Variants in CIT observed in about 807,000 individuals in gnomAD.
CIT encodes the protein citron rho-interacting serine/threonine kinase.
Under a neutral mutation model 272.7 loss-of-function variants are expected in CIT, and 79 were observed. The observed-to-expected ratio is 0.29, with a 90% CI of 0.24 to 0.35. The LOEUF (loss-of-function observed/expected upper bound fraction) is 0.35. Ranked by LOEUF, CIT falls within the 10% of genes least tolerant of loss-of-function variation. CIT has a pLI of 1.00. For missense variants in CIT, 1,909 were observed against 2,618.3 expected, an observed-to-expected ratio of 0.73 and a Z score of 5.91; for synonymous variants, 948 against 995.6, an observed-to-expected ratio of 0.95 and a Z score of 0.90.
At chr12:119,800,276 C>T (rs1249395729) in intron 10 of CIT, among the ~76,000 whole-genome samples, 1 of 152,054 alleles carries the variant, frequency 6.6e-6, no homozygotes, top group South Asian at 2.1e-4. Context: ...TCACCATAAC[C>T]CCACCCCAAA....
Position 119,690,374 on chromosome 12 carries a change from C to T in CIT, c.5963G>A (p.Gly1988Asp). The T allele has an allele frequency of 6.3e-7, 1 of 1,597,524 alleles. No homozygotes were observed. The highest frequency in any genetic ancestry group is 8.5e-7 in the Non-Finnish European group (1 of 1,178,044). ...RVASSPAPPE[G>D]PSHPREPSTP... ...GCTTGGCTCTCGCGGGTGGCTGGGG[C>T]CTTCGGGCGGCGCTGGGCTGGAGGC... Residue 1988 changes from glycine (G) to aspartate (D), a missense_variant, in exon 47 of 48, where the codon GGC (glycine) becomes GAC (aspartate). By Grantham distance (94) the Gly-to-Asp change is moderately conservative (BLOSUM62 -1). Transcript: ENST00000392521. The surrounding 1 kb of genome is among the most constrained non-coding windows in gnomAD (Gnocchi z 6.0).
intron 19 of CIT, among the ~76,000 whole-genome samples, chr12:119,763,938 T>C (rs1430750315): frequency 6.6e-6 from 1 of 152,170 alleles, no homozygotes; most frequent in Admixed American, 6.5e-5. Context: ...AGATAAAATA[T>C]AAAAAACATT....
chr12:119,697,770 G>A lies in CIT; in HGVS notation c.5771C>T (p.Ala1924Val). 6.2e-7 allele frequency: 1 copy of A among 1,614,104 alleles called. No homozygotes were observed. Among genetic ancestry groups the A allele is most frequent in the Non-Finnish European group, 8.5e-7 (1 of 1,180,040 alleles). Reference sequence around the variant, plus strand: ...CTGGTATGAGGACGCCAAGTAAATCGCTCCTGAGGAAATGGCAGGGCCCAG... The same window carrying A: ...CTGGTATGAGGACGCCAAGTAAATCACTCCTGAGGAAATGGCAGGGCCCAG... ...RYLGPAISSG[A>V]IYLASSYQDK... Residue 1924 changes from alanine to valine, a missense_variant, in exon 46 of 48, where the codon GCG becomes GTG. This residue lies in a region of CIT where 780 missense variants were observed against 1,067.2 expected (regional missense o/e 0.73). Coordinates refer to ENST00000392521, the MANE Select transcript of CIT (RefSeq NM_001206999.2). The surrounding 1 kb of genome is among the most constrained non-coding windows in gnomAD (Gnocchi z 4.9).
At chr12:119,862,826 A>AAAAAAAAAAAAAAAAAAAAAAC (rs1950388158) in intron 3 of CIT, among the ~76,000 whole-genome samples, 1 of 135,506 alleles carries the variant, frequency 7.4e-6, no homozygotes, top group Non-Finnish European at 1.5e-5. Context: ...AAAAAAAAAA[A>AAAAAAAAAAAAAAAAAAAAAAC]AAAAAAAAAA....
chr12:119,813,271 G>A (rs914948087), intron 9 of CIT, among the ~76,000 whole-genome samples: 5 of 152,238 alleles, frequency 3.3e-5, no homozygotes, highest in Non-Finnish European at 7.3e-5. Flanking sequence ...TGCCAGTGCT[G>A]TAGTTGAATG....
intron 28 of CIT, among the ~76,000 whole-genome samples, chr12:119,723,992 C>T (rs1035837188): frequency 2.6e-5 from 4 of 152,080 alleles, no homozygotes; most frequent in Non-Finnish European, 4.4e-5. Context: ...AAATGTTTCA[C>T]TTAAAAAAGA....
chr12:119,730,024 G>C (rs1958347434), intron 27 of CIT, among the ~76,000 whole-genome samples: 1 of 152,082 alleles, frequency 6.6e-6, no homozygotes, highest in Non-Finnish European at 1.5e-5. Flanking sequence ...TTTCCGATGT[G>C]AAATACTGAG....
At chr12:119,729,427 T>C (rs1366292940) in intron 27 of CIT, among the ~76,000 whole-genome samples, 1 of 151,674 alleles carries the variant, frequency 6.6e-6, no homozygotes, top group African/African-American at 2.4e-5. Flanking sequence ...ATACTGGAAG[T>C]TCAAATTTCC....
At chr12:119,851,266 A>AT (rs1208836640) in intron 4 of CIT, among the ~76,000 whole-genome samples, 1 of 152,204 alleles carries the variant, frequency 6.6e-6, no homozygotes, top group Non-Finnish European at 1.5e-5. Flanking sequence ...GATGTAATGT[A>AT]TATGTGTGTG....
intron 7 of CIT, among the ~76,000 whole-genome samples, chr12:119,831,696 C>T (rs1968645625): frequency 6.6e-6 from 1 of 152,062 alleles, no homozygotes; most frequent in African/African-American, 2.4e-5. Flanking sequence ...GGTGAAACCC[C>T]GTCTCTACTA....
intron 18 of CIT, 40 bp from the exon 19 acceptor site, chr12:119,767,222 A>G: frequency 6.8e-7 from 1 of 1,462,376 alleles, no homozygotes; most frequent in Non-Finnish European, 9.4e-7. Context: ...TGCAGAGGGC[A>G]GGACACCGCC....
At chr12:119,727,922 CAAA>C (rs113396996) in intron 28 of CIT, among the ~76,000 whole-genome samples, 3 of 128,340 alleles carry the variant, frequency 2.3e-5, no homozygotes, top group African/African-American at 5.5e-5. Context: ...AGAGCAAGAC[CAAA>C]AAAAAAAAAA....
In CIT at chr12:119,784,943, G is replaced by C. The variant is rs752957500; in HGVS notation, c.1401+17C>G. 7 of 1,613,822 alleles carry C rather than the reference G, an allele frequency of 4.3e-6. No homozygotes were observed. The South Asian group carries it at 7.7e-5, about 18-fold the overall frequency. On this transcript the variant is annotated intron_variant, in intron 11 of 47. Transcript: ENST00000392521. The surrounding 1 kb of genome is among the most constrained non-coding windows in gnomAD (Gnocchi z 4.7). ...GATCCTGGAGCAAGGAAGGAGGCCG[G>C]CTGCGGAAATAAATACCTTGTGACA...
rs1966485668 is a variant in CIT at position 119,804,578 on chromosome 12, T to C, written c.1112-1189A>G. The C allele has an allele frequency of 2.7e-6, 2 of 740,044 alleles. No individual in the cohort carries two copies. Among genetic ancestry groups the C allele is most frequent in the East Asian group, 2.6e-4 (2 of 7,572 alleles). The allele number at this position is 740,044 out of a possible 1,614,324, so 45.8% of individuals were successfully genotyped here. ...CACAGCCCTTCACAGCCCAGACTTC[T>C]TTTTAACTCCTCGTTTTCTGGACAA... On this transcript the variant is annotated intron_variant, in intron 9 of 47. Coordinates refer to ENST00000392521, the MANE Select transcript of CIT (RefSeq NM_001206999.2). This position sits in a 1 kb window ranked among gnomAD's most constrained non-coding sequence, Gnocchi z 5.3.
At chr12:119,741,887 C>G (rs1475029650) in intron 24 of CIT, among the ~76,000 whole-genome samples, 2 of 152,170 alleles carry the variant, frequency 1.3e-5, no homozygotes, top group Non-Finnish European at 2.9e-5. Flanking sequence ...TAAATAACAT[C>G]TCCCAAAGAG....
intron 5 of CIT, among the ~76,000 whole-genome samples, chr12:119,838,072 G>A (rs973755736): frequency 6.6e-6 from 1 of 151,928 alleles, no homozygotes; most frequent in Non-Finnish European, 1.5e-5. Context: ...AAAGAGTTTT[G>A]TTTTTTTGGG....
chr12:119,829,015 G>A (rs188471768), intron 7 of CIT, among the ~76,000 whole-genome samples: 1 of 151,752 alleles, frequency 6.6e-6, no homozygotes, highest in Admixed American at 6.6e-5. Context: ...GGAAAGGGGG[G>A]AAGAACTGAA....
chr12:119,788,068 T>A (rs1407824441), intron 10 of CIT, among the ~76,000 whole-genome samples: 1 of 152,230 alleles, frequency 6.6e-6, no homozygotes, highest in Non-Finnish European at 1.5e-5. Flanking sequence ...GGGGCTGAAT[T>A]TGCTGTGTGC....
intron 10 of CIT, among the ~76,000 whole-genome samples, chr12:119,790,946 C>T (rs1331129975): frequency 1.3e-5 from 2 of 152,210 alleles, no homozygotes; most frequent in Admixed American, 6.5e-5. Context: ...AGGACAAGTG[C>T]TCATTTATTG....
Sources: allele counts gnomAD v4.1 joint callset (sites outside exome capture counted in the v4.1 genomes callset), GRCh38; gene constraint gnomAD v4.1.1; regional missense constraint gnomAD v4.1.1; non-coding constraint Gnocchi (gnomAD v3.1); transcripts MANE v1.5; gene names NCBI Gene and HGNC (gene_info 2026-07-23, HGNC 2026-07-21).